Variants in STK31 observed in about 807,000 individuals in gnomAD.
The protein encoded by STK31 is serine/threonine kinase 31.
In STK31, 89 loss-of-function variants were observed where a neutral mutation model predicts 129.7. The ratio of observed to expected loss-of-function variants is 0.69; its 90% CI spans 0.58 to 0.82. The LOEUF (loss-of-function observed/expected upper bound fraction) is 0.82. STK31 is among the 40% of genes least tolerant of loss of function. STK31 has a pLI of 0.00. For synonymous variants in STK31, 448 were observed against 395.3 expected (o/e 1.13, Z -1.58); for missense variants, 1,187 against 1,176.4 (o/e 1.01, Z -0.13).
At chr7:23,744,546 G>A (rs1788237445) in intron 8 of STK31, among the ~76,000 whole-genome samples, 1 of 151,996 alleles carries the variant, frequency 6.6e-6, no homozygotes, top group Non-Finnish European at 1.5e-5. Flanking sequence ...ATTGATATTT[G>A]TGCATTGGGT....
Position 23,815,126 on chromosome 7 carries a change from TCTTA to T in STK31, c.2761-14_2761-11del, listed in dbSNP as rs1191301843. 1.3e-6 allele frequency: 2 copies of T among 1,586,626 alleles called. No homozygotes were observed. The highest frequency in any genetic ancestry group is 1.7e-6 in the Non-Finnish European group (2 of 1,164,122). Reference sequence around the variant, plus strand: ...ATTAATACATTGGACATTTATTCATTCTTACTTTCTTTCACAGCTTTCTGTTCAA... The same window carrying T: ...ATTAATACATTGGACATTTATTCATTCTTTCTTTCACAGCTTTCTGTTCAA... On this transcript the variant is annotated splice_polypyrimidine_tract_variant and intron_variant, in intron 22 of 23. Transcript: ENST00000355870.
chr7:23,819,662 C>A (rs980610831), intron 23 of STK31, among the ~76,000 whole-genome samples: 1 of 151,806 alleles, frequency 6.6e-6, no homozygotes, highest in Non-Finnish European at 1.5e-5. Context: ...GATCCACTTG[C>A]CTTGGCCTCC....
intron 4 of STK31, among the ~76,000 whole-genome samples, chr7:23,724,286 G>A (rs1198661485): frequency 1.3e-5 from 2 of 152,166 alleles, no homozygotes; most frequent in African/African-American, 4.8e-5. Context: ...AAATGCTGAG[G>A]ATCTGCTTAC....
At chr7:23,718,078 A>G (rs905306337) in intron 4 of STK31, among the ~76,000 whole-genome samples, 17 of 152,156 alleles carry the variant, frequency 1.1e-4, no homozygotes, top group African/African-American at 2.9e-4. Flanking sequence ...ATACTTAACA[A>G]TGGTCAAGAT....
At chr7:23,795,407 C>T (rs182370224) in intron 22 of STK31, among the ~76,000 whole-genome samples, 2 of 152,322 alleles carry the variant, frequency 1.3e-5, no homozygotes, top group African/African-American at 4.8e-5. Flanking sequence ...TATGGAAATG[C>T]CTGGATGTCC....
At chr7:23,722,029 T>A in intron 4 of STK31, 1 of 172,446 alleles carries the variant, frequency 5.8e-6, no homozygotes, top group South Asian at 1.4e-4. Flanking sequence ...CATCCTCCTT[T>A]AGCTTGGAGA....
At chr7:23,790,372 A>T (rs1465046652) in intron 21 of STK31, among the ~76,000 whole-genome samples, 1 of 152,210 alleles carries the variant, frequency 6.6e-6, no homozygotes, top group Non-Finnish European at 1.5e-5. Context: ...CTGCCTGAAT[A>T]TAGGATTCAT....
chr7:23,718,297 A>C (rs1584319929), intron 4 of STK31, among the ~76,000 whole-genome samples: 1 of 152,190 alleles, frequency 6.6e-6, no homozygotes, highest in East Asian at 1.9e-4. Context: ...AAAAATTTGT[A>C]AGATGCATCT....
chr7:23,830,103 C>G (rs1469333728), intron 23 of STK31, among the ~76,000 whole-genome samples: 1 of 152,158 alleles, frequency 6.6e-6, no homozygotes, highest in Non-Finnish European at 1.5e-5. Flanking sequence ...GCGCCCGCCA[C>G]AACGCCTAGC....
intron 22 of STK31, chr7:23,791,312 T>C (rs1160970482): frequency 5.1e-6 from 5 of 985,080 alleles, no homozygotes; most frequent in Non-Finnish European, 1.2e-6. Context: ...CATCCATAGT[T>C]TAAGAATTAA....
At chr7:23,794,926 T>C (rs568999761) in intron 22 of STK31, among the ~76,000 whole-genome samples, 1 of 152,268 alleles carries the variant, frequency 6.6e-6, no homozygotes, top group South Asian at 2.1e-4. Context: ...TGGTTTGGAA[T>C]TGGAACTTAT....
At position 23,771,135 on chromosome 7, in the gene STK31, G is replaced by A. The variant is rs368896424; in HGVS notation, c.1833+11G>A. The A allele has an allele frequency of 1.0e-5, 16 of 1,549,120 alleles. No homozygotes were observed. The highest frequency in any genetic ancestry group is 2.8e-5 in the African/African-American group (2 of 70,912). ...AAGGACAGTATTGAGGTTTGATTGT[G>A]CTTTCTCTTATTGATCTTATAAATT... On this transcript the variant is annotated intron_variant, in intron 14 of 23. Coordinates refer to ENST00000355870, the MANE Select transcript of STK31 (RefSeq NM_031414.5).
chr7:23,818,327 A>G (rs10240624), intron 23 of STK31, among the ~76,000 whole-genome samples: 66,395 of 151,876 alleles, frequency 0.44, 14,883 homozygotes, highest in Admixed American at 0.52. Context: ...CCAGTTGAAA[A>G]AAGTGGTAGA....
At chr7:23,717,658 TC>T in intron 4 of STK31, 79 bp downstream of exon 4, 1 of 1,108,136 alleles carries the variant, frequency 9.0e-7, no homozygotes, top group Non-Finnish European at 1.3e-6. Flanking sequence ...TTTTTGGAGT[TC>T]CTGGTATATT....
intron 23 of STK31, among the ~76,000 whole-genome samples, chr7:23,823,176 A>T (rs1383013508): frequency 6.6e-6 from 1 of 152,302 alleles, no homozygotes; most frequent in Non-Finnish European, 1.5e-5. Context: ...TGCCACACCG[A>T]CTTCCACAAT....
At chr7:23,722,543 C>G (rs946735051) in intron 4 of STK31, 1 of 152,554 alleles carries the variant, frequency 6.6e-6, no homozygotes, top group African/African-American at 2.4e-5. Context: ...CAGGGACCCA[C>G]TTGAGGATAC....
chr7:23,827,443 T>A (rs1794237947), intron 23 of STK31, among the ~76,000 whole-genome samples: 1 of 152,224 alleles, frequency 6.6e-6, no homozygotes, highest in Non-Finnish European at 1.5e-5. Flanking sequence ...GGTTTTCAGC[T>A]CCATGAGGTC....
intron 18 of STK31, 27 bp downstream of exon 18, chr7:23,785,630 G>A: frequency 6.2e-7 from 1 of 1,601,308 alleles, no homozygotes; most frequent in African/African-American, 1.3e-5. Context: ...CTTACTTGTG[G>A]GAGATTCAGC....
At chr7:23,804,446 GA>G (rs1439997776) in intron 22 of STK31, among the ~76,000 whole-genome samples, 242 of 152,190 alleles carry the variant, frequency 1.6e-3, no homozygotes, top group African/African-American at 5.4e-3. Flanking sequence ...AATATTAGTT[GA>G]ATGAATGTTT....
Sources: allele counts gnomAD v4.1 joint callset (sites outside exome capture counted in the v4.1 genomes callset), GRCh38; gene constraint gnomAD v4.1.1; transcripts MANE v1.5; gene names NCBI Gene and HGNC (gene_info 2026-07-23, HGNC 2026-07-21).